The following WDR70 variants were observed in gnomAD, a reference collection of about 807,000 sequenced individuals.
WDR70 encodes WD repeat domain 70, also known as WD repeat-containing protein 70.
Under a neutral mutation model 88.6 loss-of-function variants are expected in WDR70, and 53 were observed. The ratio of observed to expected loss-of-function variants is 0.60; its 90% CI spans 0.48 to 0.75. The LOEUF is 0.75. WDR70 is among the 30% of genes least tolerant of loss of function. The pLI, the probability that WDR70 is intolerant of heterozygous loss-of-function variation, is 0.00. For missense variants in WDR70, 610 were observed against 823.2 expected, an observed-to-expected ratio of 0.74 and a Z score of 3.17; for synonymous variants, 280 against 270.0, an observed-to-expected ratio of 1.04 and a Z score of -0.36.
At chr5:37,439,173 CT>C (rs1750575698) in intron 6 of WDR70, among the ~76,000 whole-genome samples, 1 of 152,060 alleles carries the variant, frequency 6.6e-6, no homozygotes, top group Non-Finnish European at 1.5e-5. Context: ...CTGCCTCGGC[CT>C]CCCAAAGTGC....
chr5:37,683,290 T>A (rs1241309543), intron 10 of WDR70, among the ~76,000 whole-genome samples: 1 of 152,238 alleles, frequency 6.6e-6, no homozygotes, highest in Non-Finnish European at 1.5e-5. Context: ...CTTGCCACTC[T>A]GTGCCTTTTA....
Position 37,562,717 on chromosome 5 carries a change from A to T in WDR70, c.918-42347A>T, listed in dbSNP as rs1216074079. ...ATCTTGCACCACCCTTAATCCATTC[A>T]ACCCTGAGTGGACACCGCACATGTT... is the stretch of plus-strand genomic sequence containing the variant. On this transcript the variant is annotated intron_variant, in intron 9 of 17. Transcript: ENST00000265107. Among the ~76,000 whole-genome samples, 7 of 152,174 alleles carry T rather than the reference A, an allele frequency of 4.6e-5. No homozygotes were observed. The East Asian group carries it at 1.4e-3, about 30-fold the overall frequency.
intron 10 of WDR70, among the ~76,000 whole-genome samples, chr5:37,606,704 A>G (rs952286789): frequency 6.6e-6 from 1 of 152,148 alleles, no homozygotes; most frequent in Non-Finnish European, 1.5e-5. Context: ...TTTTGTTAGA[A>G]TGTATTTAAT....
chr5:37,471,126 C>T (rs773299491), intron 7 of WDR70, among the ~76,000 whole-genome samples: 1 of 152,150 alleles, frequency 6.6e-6, no homozygotes, highest in East Asian at 1.9e-4. Context: ...AAGTGATTCA[C>T]CCGCCTTGGC....
At chr5:37,724,848 A>G (rs1747925847) in intron 15 of WDR70, 86 bp from the exon 16 acceptor site, 1 of 1,220,610 alleles carries the variant, frequency 8.2e-7, no homozygotes, top group Admixed American at 1.8e-5. Flanking sequence ...CTTCCATTTC[A>G]TCTTTCAGTT....
chr5:37,665,901 TCTC>T (rs1232621057), intron 10 of WDR70, among the ~76,000 whole-genome samples: 4 of 152,166 alleles, frequency 2.6e-5, no homozygotes, highest in African/African-American at 9.7e-5. Flanking sequence ...CCCGCCACCC[TCTC>T]CTCTGCTTCC....
intron 10 of WDR70, among the ~76,000 whole-genome samples, chr5:37,629,514 T>G (rs1019914464): frequency 6.6e-6 from 1 of 152,208 alleles, no homozygotes; most frequent in African/African-American, 2.4e-5. Context: ...AAAAGATCTA[T>G]CTTCAAGTTC....
At chr5:37,552,954 C>G (rs1242655815) in intron 9 of WDR70, among the ~76,000 whole-genome samples, 3 of 152,120 alleles carry the variant, frequency 2.0e-5, no homozygotes, top group African/African-American at 7.2e-5. Context: ...TTCTATAGTC[C>G]AAGAGCAGAG....
intron 10 of WDR70, among the ~76,000 whole-genome samples, chr5:37,644,380 T>G (rs1357310939): frequency 6.6e-6 from 1 of 152,126 alleles, no homozygotes; most frequent in South Asian, 2.1e-4. Context: ...TGAATTCATT[T>G]GCTGGTATTT....
intron 10 of WDR70, among the ~76,000 whole-genome samples, chr5:37,619,276 TA>T (rs11314714): frequency 0.1 from 14,416 of 140,384 alleles, 2,109 homozygotes; most frequent in African/African-American, 0.33. Flanking sequence ...CCCTAATTCT[TA>T]AAAAAAAAAA....
chr5:37,527,709 G>T (rs1741333506), intron 9 of WDR70, among the ~76,000 whole-genome samples: 1 of 152,034 alleles, frequency 6.6e-6, no homozygotes, highest in Non-Finnish European at 1.5e-5. Context: ...TACAAAATGG[G>T]AGAAAATTTT....
chr5:37,643,339 C>G (rs185951524), intron 10 of WDR70, among the ~76,000 whole-genome samples: 2 of 152,060 alleles, frequency 1.3e-5, no homozygotes, highest in Admixed American at 1.3e-4. Flanking sequence ...CTTCATTGGT[C>G]TATGTGTCTA....
intron 5 of WDR70, among the ~76,000 whole-genome samples, chr5:37,419,765 C>T (rs1021738625): frequency 1.4e-4 from 22 of 152,054 alleles, no homozygotes; most frequent in East Asian, 9.8e-4. Context: ...CAGTGAGCAG[C>T]GCCATTGCAC....
chr5:37,581,221 C>T (rs1480390302), intron 9 of WDR70, among the ~76,000 whole-genome samples: 1 of 138,842 alleles, frequency 7.2e-6, no homozygotes. Flanking sequence ...CACAATCAAT[C>T]AAACTTTTCC....
chr5:37,694,313 A>G (rs1746912095), intron 10 of WDR70, among the ~76,000 whole-genome samples: 1 of 152,258 alleles, frequency 6.6e-6, no homozygotes, highest in Non-Finnish European at 1.5e-5. Flanking sequence ...GCCTAGAACT[A>G]GAAATACCAT....
intron 10 of WDR70, among the ~76,000 whole-genome samples, chr5:37,619,559 C>T (rs1744448328): frequency 6.6e-6 from 1 of 152,090 alleles, no homozygotes; most frequent in South Asian, 2.1e-4. Flanking sequence ...TTAATAGAGC[C>T]TCTAGTAGGG....
intron 10 of WDR70, among the ~76,000 whole-genome samples, chr5:37,658,448 C>T (rs1745613976): frequency 6.6e-6 from 1 of 152,060 alleles, no homozygotes; most frequent in Non-Finnish European, 1.5e-5. Flanking sequence ...TATGCAGTTT[C>T]CCACTCCTTG....
In WDR70 at chr5:37,379,357, T is replaced by C. The variant is rs374806437; in HGVS notation, c.-11T>C. On this transcript the variant is annotated 5_prime_UTR_variant, in exon 1 of 18. Transcript: ENST00000265107. ...TGTCCCTGTGGCTGGTTCTGGGGTG[T>C]GCGGCCAGCCATGGAGCGCTCTGGG... The C allele has an allele frequency of 1.9e-6, 3 of 1,613,420 alleles. No individual in the cohort carries two copies. The African/African-American group carries it at 4.0e-5, about 22-fold the overall frequency.
chr5:37,443,044 A>G (rs533844245), intron 6 of WDR70, among the ~76,000 whole-genome samples, 195 bp from the exon 7 acceptor site: 100 of 152,354 alleles, frequency 6.6e-4, no homozygotes, highest in Admixed American at 4.2e-3. Flanking sequence ...ATTGCAAAAG[A>G]ATTAATATAG....
Sources: gnomAD v4.1 joint callset for allele counts (sites outside exome capture counted in the v4.1 genomes callset) on GRCh38, gnomAD v4.1.1 for gene constraint, MANE v1.5 for transcripts, NCBI Gene and HGNC (gene_info 2026-07-23, HGNC 2026-07-21) for gene names.